Variants in GPC5 observed in about 807,000 individuals in gnomAD.
The protein encoded by GPC5 is glypican 5.
GPC5 carries 47 observed loss-of-function variants against 53.9 expected under a neutral mutation model. The observed-to-expected ratio is 0.87, with a 90% CI of 0.69 to 1.11. The LOEUF is 1.11. GPC5 is among the 50% of genes most tolerant of loss of function. The pLI is 0.00. For missense variants in GPC5, 748 were observed against 713.1 expected (o/e 1.05, Z -0.56); for synonymous variants, 286 against 263.3 (o/e 1.09, Z -0.84).
intron 2 of GPC5, among the ~76,000 whole-genome samples, chr13:91,492,947 A>C (rs115437941): frequency 6.6e-6 from 1 of 152,136 alleles, no homozygotes; most frequent in South Asian, 2.1e-4. Context: ...CTTTCCCCCC[A>C]GTGCTTCTCT....
chr13:92,017,627 A>G (rs1352395432), intron 6 of GPC5, among the ~76,000 whole-genome samples: 1 of 152,192 alleles, frequency 6.6e-6, no homozygotes, highest in Non-Finnish European at 1.5e-5. Context: ...GAAAATTCAT[A>G]TAAAAATATG....
intron 7 of GPC5, among the ~76,000 whole-genome samples, chr13:92,520,631 C>G (rs1280711667): frequency 6.6e-6 from 1 of 152,064 alleles, no homozygotes; most frequent in Non-Finnish European, 1.5e-5. Context: ...GGACGTATCT[C>G]AAAATAATCA....
chr13:92,027,078 T>C (rs1250937698), intron 6 of GPC5, among the ~76,000 whole-genome samples: 1 of 152,206 alleles, frequency 6.6e-6, no homozygotes, highest in East Asian at 1.9e-4. Context: ...AATTAAATTG[T>C]AAAACAAGTC....
chr13:92,763,898 T>C (rs1336355038), intron 7 of GPC5, among the ~76,000 whole-genome samples: 1 of 152,068 alleles, frequency 6.6e-6, no homozygotes, highest in Non-Finnish European at 1.5e-5. Flanking sequence ...AGAGTCCAGC[T>C]CAGCTCCCAC....
chr13:92,767,285 AC>A (rs1344535319), intron 7 of GPC5, among the ~76,000 whole-genome samples: 6 of 152,104 alleles, frequency 3.9e-5, no homozygotes, highest in Admixed American at 1.3e-4. Context: ...AGCCTGGCCA[AC>A]ATGGTGAAAC....
intron 2 of GPC5, among the ~76,000 whole-genome samples, chr13:91,482,599 C>T (rs899399200): frequency 7.2e-5 from 11 of 152,178 alleles, no homozygotes; most frequent in African/African-American, 2.7e-4. Context: ...GTAAGATCCT[C>T]AGGTGAATTG....
At chr13:91,732,053 G>A (rs184830621) in intron 4 of GPC5, among the ~76,000 whole-genome samples, 1 of 152,300 alleles carries the variant, frequency 6.6e-6, no homozygotes. Flanking sequence ...ATACCCAGTA[G>A]TGGGATTGTT....
chr13:91,431,034 C>T (rs1002166056), intron 1 of GPC5, among the ~76,000 whole-genome samples: 1 of 152,098 alleles, frequency 6.6e-6, no homozygotes, highest in Admixed American at 6.5e-5. Context: ...GCTACCATGC[C>T]TGACTAATTT....
chr13:91,536,050 T>C (rs937320710), intron 2 of GPC5, among the ~76,000 whole-genome samples: 2 of 152,230 alleles, frequency 1.3e-5, no homozygotes, highest in Non-Finnish European at 2.9e-5. Context: ...ATTATATAAG[T>C]TGACTACCAT....
chr13:91,459,703 G>A (rs1881806297), intron 2 of GPC5, among the ~76,000 whole-genome samples: 1 of 152,098 alleles, frequency 6.6e-6, no homozygotes, highest in Non-Finnish European at 1.5e-5. Context: ...ACATCCAGTG[G>A]AGGCTAAGCT....
At position 91,448,895 on chromosome 13, in the gene GPC5, A is replaced by G. The variant is rs767268470; in HGVS notation, c.298A>G (p.Ile100Val). Residue 100 changes from isoleucine to valine, a missense_variant, in exon 2 of 8, where the codon ATA becomes GTA. Transcript: ENST00000377067. ...GTCCAGCTCTACATTAAAGTTTCTA[A>G]TATCTCGAAATGCGGCTGCTTTTCA... ...QTSSSTLKFL[I>V]SRNAAAFQET... is the part of the protein sequence containing the mutation. 8.6e-5 allele frequency: 139 copies of G among 1,613,128 alleles called. 1 individual carries two copies. In the East Asian group the frequency reaches 3.1e-3, roughly 35 times the overall value.
At chr13:91,519,702 A>T (rs1885702245) in intron 2 of GPC5, among the ~76,000 whole-genome samples, 1 of 152,226 alleles carries the variant, frequency 6.6e-6, no homozygotes, top group Non-Finnish European at 1.5e-5. Context: ...GAATAGAATA[A>T]TACATATGGG....
intron 2 of GPC5, among the ~76,000 whole-genome samples, chr13:91,632,284 G>A (rs1455173308): frequency 6.6e-6 from 1 of 152,110 alleles, no homozygotes; most frequent in Non-Finnish European, 1.5e-5. Flanking sequence ...CATCATTACA[G>A]GAATTGCCTG....
intron 7 of GPC5, among the ~76,000 whole-genome samples, chr13:92,176,923 T>C (rs2042112907): frequency 6.6e-6 from 1 of 152,200 alleles, no homozygotes; most frequent in African/African-American, 2.4e-5. Context: ...ACCAATGATA[T>C]AACAGGCACT....
chr13:91,446,891 C>T (rs938058544), intron 1 of GPC5, among the ~76,000 whole-genome samples: 16 of 152,128 alleles, frequency 1.1e-4, no homozygotes, highest in East Asian at 5.8e-4. Context: ...GCTGCATGCG[C>T]GCATGAGAAC....
At chr13:91,569,256 A>G (rs927872592) in intron 2 of GPC5, among the ~76,000 whole-genome samples, 1 of 152,142 alleles carries the variant, frequency 6.6e-6, no homozygotes, top group Non-Finnish European at 1.5e-5. Context: ...AATAAATGAT[A>G]TTGGGCCACC....
At chr13:91,596,131 C>T (rs1315478306) in intron 2 of GPC5, among the ~76,000 whole-genome samples, 1 of 152,104 alleles carries the variant, frequency 6.6e-6, no homozygotes, top group Admixed American at 6.5e-5. Flanking sequence ...ATCCTTTCTT[C>T]TGAAATATTT....
chr13:91,893,342 T>G (rs1460253110), intron 5 of GPC5, among the ~76,000 whole-genome samples: 2 of 152,076 alleles, frequency 1.3e-5, no homozygotes, highest in African/African-American at 4.8e-5. Flanking sequence ...ACCAACTTAT[T>G]TATTAAAGAT....
chr13:91,523,115 A>G (rs998335173), intron 2 of GPC5, among the ~76,000 whole-genome samples: 2 of 152,196 alleles, frequency 1.3e-5, no homozygotes, highest in African/African-American at 4.8e-5. Flanking sequence ...GGAGATGGAG[A>G]AATGGAATCC....
Sources: allele counts gnomAD v4.1 joint callset (sites outside exome capture counted in the v4.1 genomes callset), GRCh38; gene constraint gnomAD v4.1.1; transcripts MANE v1.5; gene names NCBI Gene and HGNC (gene_info 2026-07-23, HGNC 2026-07-21).